Variants in TCERG1L observed in about 807,000 individuals in gnomAD.
TCERG1L encodes the protein transcription elongation regulator 1-like protein.
A neutral mutation model predicts 56.3 loss-of-function variants in TCERG1L; 37 were observed. The observed-to-expected ratio is 0.66, with a 90% CI of 0.51 to 0.87. The LOEUF is 0.87. Ranked by LOEUF, TCERG1L falls within the 40% of genes least tolerant of loss-of-function variation. The pLI, the probability that TCERG1L is intolerant of heterozygous loss-of-function variation, is 0.00. For missense variants in TCERG1L, 799 were observed against 774.2 expected, an observed-to-expected ratio of 1.03 and a Z score of -0.38; for synonymous variants, 324 against 326.3, an observed-to-expected ratio of 0.99 and a Z score of 0.08.
chr10:131,242,146 A>G (rs1845980613), intron 4 of TCERG1L, among the ~76,000 whole-genome samples: 1 of 152,222 alleles, frequency 6.6e-6, no homozygotes, highest in Non-Finnish European at 1.5e-5. Flanking sequence ...GAGATTGTGA[A>G]CTGGGAAAGG....
chr10:131,285,458 A>G (rs1846514922), intron 3 of TCERG1L, among the ~76,000 whole-genome samples: 1 of 131,698 alleles, frequency 7.6e-6, no homozygotes, highest in South Asian at 2.2e-4. Context: ...AGAAAGAGAG[A>G]GAAAGGGAAG....
chr10:131,177,897 C>T (rs1845124864), intron 4 of TCERG1L, among the ~76,000 whole-genome samples: 1 of 151,134 alleles, frequency 6.6e-6, no homozygotes, highest in Non-Finnish European at 1.5e-5. Context: ...GCTCGCACTG[C>T]ACACAGGAGC....
intron 4 of TCERG1L, among the ~76,000 whole-genome samples, chr10:131,252,426 C>T (rs1026987597): frequency 6.6e-6 from 1 of 152,136 alleles, no homozygotes; most frequent in African/African-American, 2.4e-5. Flanking sequence ...CTTTCTCCCA[C>T]CCAGACCCCT....
chr10:131,143,254 C>A (rs1845757253), intron 7 of TCERG1L, among the ~76,000 whole-genome samples: 1 of 152,140 alleles, frequency 6.6e-6, no homozygotes. Flanking sequence ...GTTGCACGCA[C>A]CCAGGGTCCC....
chr10:131,186,888 C>T (rs752989550), intron 4 of TCERG1L, among the ~76,000 whole-genome samples: 3 of 152,302 alleles, frequency 2.0e-5, no homozygotes, highest in Non-Finnish European at 4.4e-5. Context: ...TTTACCCCCA[C>T]AGAAACATTG....
At chr10:131,110,584 G>A (rs1054026073) in intron 9 of TCERG1L, among the ~76,000 whole-genome samples, 1 of 152,234 alleles carries the variant, frequency 6.6e-6, no homozygotes, top group Non-Finnish European at 1.5e-5. Context: ...TGCTGTGGAT[G>A]GGCCAGGGTG....
intron 4 of TCERG1L, among the ~76,000 whole-genome samples, chr10:131,223,534 T>C (rs1342339928): frequency 6.6e-6 from 1 of 152,032 alleles, no homozygotes; most frequent in Non-Finnish European, 1.5e-5. Context: ...ATAAACATAC[T>C]TCTGTGCCTT....
chr10:131,171,683 G>T (rs1010047076), intron 4 of TCERG1L, among the ~76,000 whole-genome samples: 1 of 152,146 alleles, frequency 6.6e-6, no homozygotes, highest in Non-Finnish European at 1.5e-5. Context: ...TGATTCTCCC[G>T]TCTCAGCCTC....
intron 4 of TCERG1L, among the ~76,000 whole-genome samples, chr10:131,254,571 T>C (rs947970503): frequency 6.6e-6 from 1 of 151,656 alleles, no homozygotes; most frequent in African/African-American, 2.4e-5. Flanking sequence ...TAGGGCAGAG[T>C]GGAAACAGAA....
At chr10:131,148,231 C>T (rs1845820178) in intron 6 of TCERG1L, among the ~76,000 whole-genome samples, 2 of 152,186 alleles carry the variant, frequency 1.3e-5, no homozygotes, top group Non-Finnish European at 2.9e-5. Flanking sequence ...TCACAAGGGT[C>T]CTTCTAAGAG....
At chr10:131,177,123 CAG>C (rs1294198505) in intron 4 of TCERG1L, among the ~76,000 whole-genome samples, 218 of 150,932 alleles carry the variant, frequency 1.4e-3, no homozygotes, top group African/African-American at 3.2e-3. Flanking sequence ...CGTGTACACA[CAG>C]AGATATGCAC....
intron 10 of TCERG1L, among the ~76,000 whole-genome samples, chr10:131,101,182 G>A (rs1270762298): frequency 2.6e-5 from 4 of 152,230 alleles, no homozygotes; most frequent in Admixed American, 2.0e-4. Flanking sequence ...GATGGCCTGA[G>A]GAAGGTCCAG....
rs147823012 is a variant in TCERG1L, at chr10:131,128,451, C to T, written c.1259+5928G>A. 1.6e-4 allele frequency among the ~76,000 whole-genome samples: 25 copies of T among 152,224 alleles called. No individual in the cohort carries two copies. In the East Asian group the frequency reaches 4.2e-3, roughly 26 times the overall value. On this transcript the variant is annotated intron_variant, in intron 8 of 11. Coordinates refer to ENST00000368642, the MANE Select transcript of TCERG1L (RefSeq NM_174937.4). ...TACACCTCATATCTGGGAAAACGAA[C>T]CAAGAATCACCAAGATTTAGTTCTA...
chr10:131,311,598 T>TGCCGCC lies in TCERG1L; in HGVS notation c.32_37dup (p.Arg11_Arg12dup). On this transcript the variant is annotated inframe_insertion, in exon 1 of 12. Coordinates refer to ENST00000368642, the MANE Select transcript of TCERG1L (RefSeq NM_174937.4). The surrounding 1 kb of genome is among the most constrained non-coding windows in gnomAD (Gnocchi z 4.0). ...CCGCCGGGGCTGCTGCTGCTGCAGCTGCCGCCGCCGCCGCTGGAACCTGGC... is the reference window on the plus strand; with the variant it reads ...CCGCCGGGGCTGCTGCTGCTGCAGCTGCCGCCGCCGCCGCCGCCGCTGGAACCTGGC... 2 of 1,133,882 alleles carry TGCCGCC rather than the reference T, an allele frequency of 1.8e-6. No homozygotes were observed. The highest frequency in any genetic ancestry group is 4.2e-5 in the South Asian group (1 of 23,674). The allele number at this position is 1,133,882 out of a possible 1,614,324, so 70.2% of individuals were successfully genotyped here.
intron 9 of TCERG1L, among the ~76,000 whole-genome samples, chr10:131,106,631 TGAGAGACAG>T (rs1564792621): frequency 6.6e-6 from 1 of 151,990 alleles, no homozygotes; most frequent in Non-Finnish European, 1.5e-5. Flanking sequence ...AGCATTGTCT[TGAGAGACAG>T]GAGAGAAGAA....
At chr10:131,293,582 C>T (rs540490898) in intron 3 of TCERG1L, among the ~76,000 whole-genome samples, 53 of 152,054 alleles carry the variant, frequency 3.5e-4, no homozygotes, top group Non-Finnish European at 7.4e-4. Flanking sequence ...TCCCACCCCA[C>T]CATAAAACTT....
At chr10:131,205,422 T>C (rs1021012708) in intron 4 of TCERG1L, among the ~76,000 whole-genome samples, 1 of 152,014 alleles carries the variant, frequency 6.6e-6, no homozygotes, top group Non-Finnish European at 1.5e-5. Flanking sequence ...GAGAAAAAGT[T>C]AGACTCTGGA....
At chr10:131,273,060 A>G (rs1846355431) in intron 3 of TCERG1L, among the ~76,000 whole-genome samples, 1 of 152,142 alleles carries the variant, frequency 6.6e-6, no homozygotes. Flanking sequence ...TGGGGTCCAC[A>G]GTGGAGTGGG....
chr10:131,307,477 T>G lies in TCERG1L; in HGVS notation c.670+734A>C, dbSNP rs547755549. On this transcript the variant is annotated intron_variant, in intron 3 of 11. Transcript: ENST00000368642. ...AGGAAATTACAAGAAGGTAATGTAATTCTGAAGCCATAAAATATTCCATAA... is the reference window on the plus strand; with the variant it reads ...AGGAAATTACAAGAAGGTAATGTAAGTCTGAAGCCATAAAATATTCCATAA... Among the ~76,000 whole-genome samples, 3 of 152,316 alleles carry G rather than the reference T, an allele frequency of 2.0e-5. No homozygotes were observed. In the South Asian group the frequency reaches 6.2e-4, roughly 32 times the overall value.
Sources: allele counts gnomAD v4.1 joint callset (sites outside exome capture counted in the v4.1 genomes callset), GRCh38; gene constraint gnomAD v4.1.1; non-coding constraint Gnocchi (gnomAD v3.1); transcripts MANE v1.5; gene names NCBI Gene and HGNC (gene_info 2026-07-23, HGNC 2026-07-21).